Variants in LRP1B observed in about 807,000 individuals in gnomAD.
LRP1B encodes the protein LDL receptor related protein 1B.
Under a neutral mutation model 556.6 loss-of-function variants are expected in LRP1B, and 217 were observed. The ratio of observed to expected loss-of-function variants is 0.39; its 90% CI spans 0.35 to 0.44. LRP1B has a LOEUF of 0.44. Among genes scored for constraint, LRP1B ranks in the 20% least tolerant of loss-of-function variants. The probability of loss-of-function intolerance (pLI) is 1.00; values close to 1 mark genes in which losing one functional copy is unlikely to be tolerated. For synonymous variants in LRP1B, 2,047 were observed against 1,865.8 expected, an observed-to-expected ratio of 1.10 and a Z score of -2.50; for missense variants, 5,053 against 5,620.8, an observed-to-expected ratio of 0.90 and a Z score of 3.23.
intron 58 of LRP1B, among the ~76,000 whole-genome samples, chr2:140,486,716 A>T (rs954501206): frequency 7.2e-5 from 11 of 152,022 alleles, no homozygotes; most frequent in African/African-American, 2.2e-4. Context: ...CAAAAATCTC[A>T]TCGGTTTATT....
At chr2:141,584,012 A>T (rs796712435) in intron 2 of LRP1B, among the ~76,000 whole-genome samples, 44 of 151,908 alleles carry the variant, frequency 2.9e-4, no homozygotes, top group African/African-American at 1.0e-3. Flanking sequence ...TTTTTGTGGC[A>T]GCCGGCAAAT....
intron 1 of LRP1B, among the ~76,000 whole-genome samples, chr2:141,892,272 T>G (rs1213372253): frequency 6.6e-6 from 1 of 151,992 alleles, no homozygotes; most frequent in Non-Finnish European, 1.5e-5. Context: ...TTAAAAATTA[T>G]ATTAAATGCA....
chr2:141,043,662 A>G (rs940346645), intron 11 of LRP1B, among the ~76,000 whole-genome samples: 3 of 152,030 alleles, frequency 2.0e-5, no homozygotes, highest in African/African-American at 7.2e-5. Flanking sequence ...TTCTATTTAA[A>G]TATCTGCATT....
chr2:140,807,215 C>A (rs1226250307), intron 32 of LRP1B, among the ~76,000 whole-genome samples: 1 of 152,120 alleles, frequency 6.6e-6, no homozygotes, highest in East Asian at 1.9e-4. Flanking sequence ...ACTAGGTAAT[C>A]AATAGTAAAA....
At chr2:140,855,787 C>T (rs1173837155) in intron 27 of LRP1B, among the ~76,000 whole-genome samples, 1 of 152,002 alleles carries the variant, frequency 6.6e-6, no homozygotes, top group East Asian at 1.9e-4. Context: ...ATGATCATAC[C>T]ACTGCACTCC....
At chr2:142,114,734 G>A (rs370516376) in intron 1 of LRP1B, among the ~76,000 whole-genome samples, 4 of 152,094 alleles carry the variant, frequency 2.6e-5, no homozygotes, top group Admixed American at 2.6e-4. Flanking sequence ...TAGAGCAATA[G>A]ATACTGAAGC....
At position 140,886,284 on chromosome 2, in the gene LRP1B, A is replaced by G. The variant is rs765459454; in HGVS notation, c.3818T>C (p.Ile1273Thr). 34 of 1,606,898 alleles carry G rather than the reference A, an allele frequency of 2.1e-5. No homozygotes were observed. Among genetic ancestry groups the G allele is most frequent in the Admixed American group, 1.7e-5 (1 of 59,554 alleles). Residue 1273 changes from isoleucine (I) to threonine (T), a missense_variant, in exon 24 of 91, where the codon ATT (isoleucine) becomes ACT (threonine). Physicochemically the swap from Ile to Thr is moderately conservative, Grantham distance 89. Around this residue, in one of 5 missense-constraint regions of LRP1B, gnomAD observed 3,619 missense variants for 3,931.9 expected, o/e 0.92. Coordinates refer to ENST00000389484, the MANE Select transcript of LRP1B (RefSeq NM_018557.3). Reference protein sequence around the residue: ...IFSIRHEIRRIDLHKRDYSLL... With the variant: ...IFSIRHEIRRTDLHKRDYSLL... ...ACTATAGTCTCTTTTGTGAAGATCA[A>G]TCCTTCTGATCTCATGACGAATAGA... is the stretch of plus-strand genomic sequence containing the variant.
At chr2:141,881,144 G>T (rs543145311) in intron 1 of LRP1B, among the ~76,000 whole-genome samples, 3 of 151,946 alleles carry the variant, frequency 2.0e-5, no homozygotes, top group Non-Finnish European at 1.5e-5. Context: ...ATTAAATATG[G>T]TATGGCTCCA....
At chr2:140,369,415 T>C (rs554145888) in intron 71 of LRP1B, among the ~76,000 whole-genome samples, 31 of 152,058 alleles carry the variant, frequency 2.0e-4, no homozygotes, top group African/African-American at 7.2e-4. Flanking sequence ...AGTAGCTTAA[T>C]TGTCATCCCC....
chr2:141,480,922 G>A (rs112138076), intron 2 of LRP1B, among the ~76,000 whole-genome samples: 9,736 of 152,088 alleles, frequency 0.064, 502 homozygotes, highest in African/African-American at 0.13. Context: ...ATGGTTCTCC[G>A]CAGATCTCTT....
intron 1 of LRP1B, among the ~76,000 whole-genome samples, chr2:141,813,600 A>C (rs78816801): frequency 3.9e-5 from 6 of 151,952 alleles, no homozygotes; most frequent in African/African-American, 1.2e-4. Flanking sequence ...ACAAACAAAC[A>C]AACAAAAAAC....
intron 87 of LRP1B, among the ~76,000 whole-genome samples, chr2:140,241,506 T>C (rs1680946561): frequency 6.6e-6 from 1 of 150,888 alleles, no homozygotes; most frequent in Non-Finnish European, 1.5e-5. Flanking sequence ...TTGACATTCC[T>C]ATGAGGTAGG....
At chr2:140,658,820 T>A (rs1684981759) in intron 41 of LRP1B, among the ~76,000 whole-genome samples, 1 of 152,070 alleles carries the variant, frequency 6.6e-6, no homozygotes, top group Admixed American at 6.6e-5. Flanking sequence ...ACTATAAATC[T>A]ACTTACAGTG....
At chr2:140,721,020 T>G (rs1320735606) in intron 35 of LRP1B, among the ~76,000 whole-genome samples, 2 of 152,084 alleles carry the variant, frequency 1.3e-5, no homozygotes, top group African/African-American at 4.8e-5. Flanking sequence ...CCCATTTTCC[T>G]CATATATAAA....
At chr2:141,672,453 C>T (rs1207906478) in intron 2 of LRP1B, among the ~76,000 whole-genome samples, 1 of 152,178 alleles carries the variant, frequency 6.6e-6, no homozygotes. Flanking sequence ...TTCTAGTCTT[C>T]AGAGCTCCTT....
chr2:141,852,532 T>C (rs528433179), intron 1 of LRP1B, among the ~76,000 whole-genome samples: 8 of 151,842 alleles, frequency 5.3e-5, no homozygotes, highest in African/African-American at 1.7e-4. Flanking sequence ...TATTAAAATG[T>C]AATACAAGAA....
At chr2:141,685,685 C>T (rs1691268751) in intron 2 of LRP1B, among the ~76,000 whole-genome samples, 2 of 151,950 alleles carry the variant, frequency 1.3e-5, no homozygotes, top group African/African-American at 4.8e-5. Context: ...AATGTGATGA[C>T]AGAAGGAGAG....
chr2:141,957,383 T>TGGGGGGGG (rs70994470), intron 1 of LRP1B, among the ~76,000 whole-genome samples: 1 of 58,448 alleles, frequency 1.7e-5, no homozygotes, highest in African/African-American at 7.0e-5. Context: ...TTTGTGTGTG[T>TGGGGGGGG]GGGGGGGGGG....
At chr2:142,024,958 G>A (rs1210291798) in intron 1 of LRP1B, among the ~76,000 whole-genome samples, 3 of 152,046 alleles carry the variant, frequency 2.0e-5, no homozygotes, top group African/African-American at 4.8e-5. Flanking sequence ...AGGGGTTTGC[G>A]TTCTATTTGA....
Sources: allele counts gnomAD v4.1 joint callset (sites outside exome capture counted in the v4.1 genomes callset), GRCh38; gene constraint gnomAD v4.1.1; regional missense constraint gnomAD v4.1.1; transcripts MANE v1.5; gene names NCBI Gene and HGNC (gene_info 2026-07-23, HGNC 2026-07-21).